Variants in C2CD3 observed in about 807,000 individuals in gnomAD.
C2CD3 encodes the protein C2 domain containing 3 centriole elongation regulator, also known as C2 domain-containing protein 3.
In C2CD3, 148 loss-of-function variants were observed where a neutral mutation model predicts 234.0. The observed-to-expected ratio is 0.63, with a 90% CI of 0.55 to 0.72. The LOEUF is 0.72. Among genes scored for constraint, C2CD3 ranks in the 30% least tolerant of loss-of-function variants. The pLI is 0.00. For missense variants in C2CD3, 2,577 were observed against 2,811.5 expected, an observed-to-expected ratio of 0.92 and a Z score of 1.89; for synonymous variants, 1,000 against 1,035.4, an observed-to-expected ratio of 0.97 and a Z score of 0.66.
intron 22 of C2CD3, 127 bp downstream of exon 22, chr11:74,084,754 C>A: frequency 1.7e-6 from 1 of 597,288 alleles, no homozygotes; most frequent in Admixed American, 2.9e-5. Flanking sequence ...GGAGAGAGTT[C>A]AGAAGCATGT....
intron 20 of C2CD3, 42 bp from the exon 21 acceptor site, chr11:74,085,928 C>T (rs771781500): frequency 1.3e-6 from 2 of 1,542,810 alleles, no homozygotes; most frequent in Non-Finnish European, 1.8e-6. Context: ...ACCATGGTAA[C>T]ATTAGAAATC....
Position 74,013,492 on chromosome 11 carries a change from G to T in C2CD3, c.6955C>A (p.Gln2319Lys). Reference protein sequence around the residue: ...KSEATRGALSQRPCRPRPNSL... With the variant: ...KSEATRGALSKRPCRPRPNSL... Reference sequence around the variant, plus strand: ...TTAGGTCTGGGGCGACAAGGCCTTTGGGAGAGAGCTCCCCTGGTGGCTTCG... The same window carrying T: ...TTAGGTCTGGGGCGACAAGGCCTTTTGGAGAGAGCTCCCCTGGTGGCTTCG... Residue 2319 changes from glutamine to lysine, a missense_variant, in exon 33 of 33, where the codon CAA becomes AAA. Physicochemically the swap from Gln to Lys is moderately conservative, Grantham distance 53 (BLOSUM62 1). Transcript: ENST00000334126. 7.2e-7 allele frequency: 1 copy of T among 1,394,534 alleles called. No homozygotes were observed. Among genetic ancestry groups the T allele is most frequent in the Non-Finnish European group, 9.3e-7 (1 of 1,079,470 alleles). The allele number at this position is 1,394,534 out of a possible 1,614,324, so 86.4% of individuals were successfully genotyped here.
At chr11:74,153,119 G>A (rs935894264) in intron 3 of C2CD3, among the ~76,000 whole-genome samples, 1 of 152,160 alleles carries the variant, frequency 6.6e-6, no homozygotes, top group African/African-American at 2.4e-5. Flanking sequence ...TCAGAAGGCT[G>A]AGGCAGGAGG....
At chr11:74,079,002 A>G (rs1366700455) in intron 22 of C2CD3, among the ~76,000 whole-genome samples, 1 of 152,196 alleles carries the variant, frequency 6.6e-6, no homozygotes, top group Non-Finnish European at 1.5e-5. Flanking sequence ...TGGTTTCCTT[A>G]CCTCACAAAT....
chr11:74,075,341 T>A (rs1954986730), intron 23 of C2CD3, among the ~76,000 whole-genome samples: 1 of 125,132 alleles, frequency 8.0e-6, no homozygotes, highest in African/African-American at 3.1e-5. Flanking sequence ...TTTAGCTATG[T>A]TTCACTAGGG....
intron 24 of C2CD3, among the ~76,000 whole-genome samples, chr11:74,069,577 A>T (rs1266749595): frequency 7.2e-5 from 11 of 152,238 alleles, no homozygotes; most frequent in Non-Finnish European, 1.6e-4. Flanking sequence ...ATCGCATAAG[A>T]TAGGCATCTC....
chr11:74,025,785 T>C (rs1213712307), intron 32 of C2CD3, among the ~76,000 whole-genome samples: 1 of 152,076 alleles, frequency 6.6e-6, no homozygotes, highest in Non-Finnish European at 1.5e-5. Context: ...CATCATCCTA[T>C]TAGGTATGAA....
chr11:74,097,920 A>G, intron 16 of C2CD3, 89 bp downstream of exon 16: 1 of 1,311,106 alleles, frequency 7.6e-7, no homozygotes. Flanking sequence ...GCCTTTCATT[A>G]CAGAAATAAA....
At chr11:74,145,349 G>A (rs995260038) in intron 3 of C2CD3, among the ~76,000 whole-genome samples, 7 of 152,068 alleles carry the variant, frequency 4.6e-5, no homozygotes, top group South Asian at 4.1e-4. Flanking sequence ...GTTTGTTGGC[G>A]CATGTATGTC....
chr11:74,170,620 G>T, intron 1 of C2CD3, 118 bp downstream of exon 1: 2 of 1,196,450 alleles, frequency 1.7e-6, no homozygotes, highest in South Asian at 1.3e-5. Flanking sequence ...TGGTTCCCTG[G>T]CTACTTCCTT....
chr11:74,030,514 ACT>A (rs1271434856), intron 31 of C2CD3, among the ~76,000 whole-genome samples: 2 of 151,896 alleles, frequency 1.3e-5, no homozygotes, highest in African/African-American at 4.8e-5. Flanking sequence ...ACGTCCTGAA[ACT>A]CTGCAGCATC....
chr11:74,081,133 C>T (rs1449404276), intron 22 of C2CD3, among the ~76,000 whole-genome samples: 1 of 152,116 alleles, frequency 6.6e-6, no homozygotes, highest in African/African-American at 2.4e-5. Flanking sequence ...ACTTACTGCA[C>T]ACCTACTATG....
chr11:74,138,287 C>T (rs898441602), intron 5 of C2CD3, among the ~76,000 whole-genome samples: 7 of 152,170 alleles, frequency 4.6e-5, no homozygotes, highest in African/African-American at 1.4e-4. Flanking sequence ...TTAAGATCAG[C>T]AGCTGTGTAC....
At chr11:74,142,486 T>C (rs1198697406) in intron 3 of C2CD3, 1 of 151,990 alleles carries the variant, frequency 6.6e-6, no homozygotes, top group Non-Finnish European at 1.5e-5. Flanking sequence ...AAATAAACAA[T>C]TAACAAAAAA....
rs758231091 is a variant in C2CD3, at chr11:74,078,679, C to A, written c.4039G>T (p.Gly1347Trp). 3 of 1,611,522 alleles carry A rather than the reference C, an allele frequency of 1.9e-6. No individual in the cohort carries two copies. In the Admixed American group the frequency reaches 5.0e-5, roughly 27 times the overall value. The change falls in exon 23 of 33, where the codon GGG becomes TGG. Residue 1347 changes from glycine to tryptophan, a missense_variant. Gly to Trp is a radical substitution (Grantham distance 184). Coordinates refer to ENST00000334126, the MANE Select transcript of C2CD3 (RefSeq NM_001286577.2). Reference sequence around the variant, plus strand: ...AGCTCCAGGCCATGAGGTAGGCCCCCGTCTTCTGGTAAAATGATAGGATAC... The same window carrying A: ...AGCTCCAGGCCATGAGGTAGGCCCCAGTCTTCTGGTAAAATGATAGGATAC... The part of the protein sequence containing the change: ...GWYPIILPED[G>W]GLPHGLELMQ...
intron 16 of C2CD3, among the ~76,000 whole-genome samples, chr11:74,096,803 A>C (rs1956123339): frequency 6.6e-6 from 1 of 152,202 alleles, no homozygotes; most frequent in African/African-American, 2.4e-5. Context: ...GCTTTTATGT[A>C]ATTTTCAACT....
chr11:74,138,273 A>G (rs1447732188), intron 5 of C2CD3, among the ~76,000 whole-genome samples: 1 of 152,174 alleles, frequency 6.6e-6, no homozygotes, highest in African/African-American at 2.4e-5. Context: ...TTTAATTCCC[A>G]GGATTAAGAT....
chr11:74,117,597 GGAA>G (rs1220662776), intron 9 of C2CD3, among the ~76,000 whole-genome samples: 4 of 151,644 alleles, frequency 2.6e-5, no homozygotes, highest in African/African-American at 9.7e-5. Context: ...GGCAAGAGTG[GGAA>G]GAAGGTGAGG....
At chr11:74,150,258 C>T (rs988869236) in intron 3 of C2CD3, among the ~76,000 whole-genome samples, 7 of 151,362 alleles carry the variant, frequency 4.6e-5, no homozygotes, top group African/African-American at 1.5e-4. Flanking sequence ...AGGTGGATCA[C>T]TTCAAGCCAG....
Sources: gnomAD v4.1 joint callset for allele counts (sites outside exome capture counted in the v4.1 genomes callset) on GRCh38, gnomAD v4.1.1 for gene constraint, MANE v1.5 for transcripts, NCBI Gene and HGNC (gene_info 2026-07-23, HGNC 2026-07-21) for gene names.